Variants in ITGA1 observed in about 807,000 individuals in gnomAD.
The protein encoded by ITGA1 is integrin subunit alpha 1, also known as integrin alpha-1.
A neutral mutation model predicts 145.9 loss-of-function variants in ITGA1; 85 were observed. The ratio of observed to expected loss-of-function variants is 0.58; its 90% CI spans 0.49 to 0.70. The LOEUF (loss-of-function observed/expected upper bound fraction) is 0.70, where lower values mean the gene tolerates loss of function less well. Among genes scored for constraint, ITGA1 ranks in the 30% least tolerant of loss-of-function variants. ITGA1 has a pLI of 0.00. For missense variants in ITGA1, 1,351 were observed against 1,418.7 expected, an observed-to-expected ratio of 0.95 and a Z score of 0.77; for synonymous variants, 520 against 495.3, an observed-to-expected ratio of 1.05 and a Z score of -0.66.
intron 6 of ITGA1, among the ~76,000 whole-genome samples, chr5:52,871,321 TA>T (rs978866328): frequency 2.0e-5 from 3 of 151,876 alleles, no homozygotes; most frequent in East Asian, 3.9e-4. Flanking sequence ...AAACTAAGAA[TA>T]AAAAAAAGTC....
At chr5:52,901,843 T>C (rs920108561) in intron 11 of ITGA1, 1 of 152,222 alleles carries the variant, frequency 6.6e-6, no homozygotes, top group Non-Finnish European at 1.5e-5. Flanking sequence ...TTTTCTACAG[T>C]GTGCTGAGAT....
rs1020838450 is a variant in ITGA1 at position 52,800,333 on chromosome 5, C to T, written c.61+11919C>T. ...TGGCCTGCATTCCCATCCCCTCTCC[C>T]GGGGCGGAGGTGAGGACCTCCTTGG... On this transcript the variant is annotated intron_variant, in intron 1 of 28. Transcript: ENST00000282588. The T allele has an allele frequency of 1.8e-5, 29 of 1,589,164 alleles. No homozygotes were observed. In the East Asian group the frequency reaches 4.7e-4, roughly 26 times the overall value.
chr5:52,803,149 T>G (rs1342063387), intron 1 of ITGA1: 1 of 152,162 alleles, frequency 6.6e-6, no homozygotes, highest in Non-Finnish European at 1.5e-5. Flanking sequence ...CTGTGGGCCT[T>G]CCTCCTGGTG....
At chr5:52,931,757 T>C (rs1750896208) in intron 21 of ITGA1, 2 of 216,856 alleles carry the variant, frequency 9.2e-6, no homozygotes, top group Non-Finnish European at 9.0e-6. Context: ...AACCTTTGTA[T>C]TTTAACAATT....
At chr5:52,889,208 T>C (rs773066294) in intron 8 of ITGA1, among the ~76,000 whole-genome samples, 1 of 151,930 alleles carries the variant, frequency 6.6e-6, no homozygotes, top group Non-Finnish European at 1.5e-5. Context: ...ATCAAGCAAT[T>C]CTCCTGCCTC....
intron 5 of ITGA1, 75 bp downstream of exon 5, chr5:52,865,157 C>A: frequency 9.4e-7 from 1 of 1,058,778 alleles, no homozygotes. Context: ...TACAAAGGAA[C>A]ATACCAAAAA....
chr5:52,939,528 C>G, intron 24 of ITGA1, 62 bp from the exon 25 acceptor site: 1 of 1,074,410 alleles, frequency 9.3e-7, no homozygotes, highest in Non-Finnish European at 1.4e-6. Flanking sequence ...ACTACTGCAG[C>G]AAGTCATGTT....
At chr5:52,800,214 A>G (rs1748434591) in intron 1 of ITGA1, 3 of 620,744 alleles carry the variant, frequency 4.8e-6, no homozygotes, top group Non-Finnish European at 8.5e-6. Context: ...AGGAAAGGAT[A>G]GAGGAAGTGC....
intron 16 of ITGA1, among the ~76,000 whole-genome samples, chr5:52,919,101 T>C (rs1455739625): frequency 2.0e-5 from 3 of 152,160 alleles, no homozygotes; most frequent in Non-Finnish European, 4.4e-5. Context: ...GGAGCAGAAA[T>C]TACATGTTTG....
chr5:52,871,711 C>T (rs1266850133), intron 6 of ITGA1, among the ~76,000 whole-genome samples: 5 of 142,136 alleles, frequency 3.5e-5, no homozygotes, highest in Non-Finnish European at 3.1e-5. Flanking sequence ...TACAACACAA[C>T]GATGGAAACA....
chr5:52,925,288 C>T lies in ITGA1; in HGVS notation c.2414C>T (p.Ala805Val), dbSNP rs1259160547. 9.9e-6 allele frequency: 16 copies of T among 1,613,440 alleles called. No homozygotes were observed. The highest frequency in any genetic ancestry group is 1.4e-5 in the Non-Finnish European group (16 of 1,179,570). Residue 805 changes from alanine (A) to valine (V), a missense_variant, in exon 19 of 29, where the codon GCC becomes GTC. Ala to Val is a moderately conservative substitution (Grantham distance 64). Coordinates refer to ENST00000282588, the MANE Select transcript of ITGA1 (RefSeq NM_181501.2). ...CTGTCATCATTTCAGATTCCCTTTGCCAAAGATTGTGGAAATAAGGAAAAA... is the reference window on the plus strand; with the variant it reads ...CTGTCATCATTTCAGATTCCCTTTGTCAAAGATTGTGGAAATAAGGAAAAA... ...PNSVHEYIPF[A>V]KDCGNKEKCI... is the part of the protein sequence containing the mutation.
At chr5:52,931,812 C>G (rs1264349190) in intron 21 of ITGA1, 1 of 348,710 alleles carries the variant, frequency 2.9e-6, no homozygotes, top group Non-Finnish European at 5.2e-6. Flanking sequence ...TTTTGAAAAA[C>G]ATAAATCAGT....
intron 1 of ITGA1, chr5:52,801,134 AC>A (rs1436414543): frequency 1.0e-5 from 16 of 1,577,762 alleles, no homozygotes; most frequent in Admixed American, 1.8e-5. Context: ...AAACAATCTT[AC>A]CCAGGGATAA....
intron 6 of ITGA1, among the ~76,000 whole-genome samples, chr5:52,873,317 C>T (rs557250514): frequency 2.0e-4 from 30 of 152,280 alleles, no homozygotes; most frequent in African/African-American, 7.2e-4. Context: ...TAGCCCTTGC[C>T]CTTCTCCACA....
chr5:52,917,864 CAG>C (rs1160009985), intron 15 of ITGA1, among the ~76,000 whole-genome samples: 1 of 151,980 alleles, frequency 6.6e-6, no homozygotes, highest in Non-Finnish European at 1.5e-5. Flanking sequence ...ATTGTTTTAA[CAG>C]AAAAAAGAAA....
At chr5:52,885,829 C>T (rs1750037472) in intron 7 of ITGA1, among the ~76,000 whole-genome samples, 1 of 152,144 alleles carries the variant, frequency 6.6e-6, no homozygotes, top group Non-Finnish European at 1.5e-5. Context: ...GGTAAAGTCT[C>T]TAGTTAGAAG....
In ITGA1 at chr5:52,892,769, C is replaced by G. The variant is rs192979370; in HGVS notation, c.925-906C>G. Among the ~76,000 whole-genome samples the G allele has an allele frequency of 4.6e-5, 7 of 152,036 alleles. No homozygotes were observed. In the East Asian group the frequency reaches 1.4e-3, roughly 29 times the overall value. On this transcript the variant is annotated intron_variant, in intron 8 of 28. Transcript: ENST00000282588. ...CTACATACTATATGATTCCTTAAAT[C>G]TGACATTCTGGAAAAATCAAAGCTA...
intron 1 of ITGA1, among the ~76,000 whole-genome samples, chr5:52,820,562 G>GCC (rs1748862634): frequency 6.6e-6 from 1 of 150,888 alleles, no homozygotes; most frequent in African/African-American, 2.4e-5. Context: ...ACTTGCTCTT[G>GCC]ACTCCCTTGG....
At chr5:52,922,964 C>G in intron 18 of ITGA1, 77 bp downstream of exon 18, 1 of 864,002 alleles carries the variant, frequency 1.2e-6, no homozygotes, top group African/African-American at 1.7e-5. Context: ...TGTTTTTTCA[C>G]TACTCTGCAT....
Sources: allele counts gnomAD v4.1 joint callset (sites outside exome capture counted in the v4.1 genomes callset), GRCh38; gene constraint gnomAD v4.1.1; transcripts MANE v1.5; gene names NCBI Gene and HGNC (gene_info 2026-07-23, HGNC 2026-07-21).